MYT1: variants seen among roughly 807,000 people sequenced by gnomAD.
MYT1 encodes the protein myelin transcription factor 1.
Under a neutral mutation model 123.0 loss-of-function variants are expected in MYT1, and 23 were observed. That is an observed-to-expected ratio of 0.19 (90% confidence interval 0.13 to 0.26). MYT1 has a LOEUF of 0.26. Among genes scored for constraint, MYT1 ranks in the 10% least tolerant of loss-of-function variants. The probability of loss-of-function intolerance (pLI) is 1.00; values close to 1 mark genes in which losing one functional copy is unlikely to be tolerated. For synonymous variants in MYT1, 518 were observed against 575.3 expected (o/e 0.90, Z 1.43); for missense variants, 1,125 against 1,472.5 (o/e 0.76, Z 3.86).
chr20:64,180,516 AC>A (rs2145696157), intron 1 of MYT1, among the ~76,000 whole-genome samples: 1 of 152,196 alleles, frequency 6.6e-6, no homozygotes, highest in South Asian at 2.1e-4. Flanking sequence ...CTGCAGGCCA[AC>A]CTCTGGGTCG....
chr20:64,222,055 C>T lies in MYT1; in HGVS notation c.2396+8C>T. ...AAAGAAGGAGCTGCTCACGTAAGTC[C>T]CTGTTTGGCTGGCACAGCTCCTAGG... On this transcript the variant is annotated splice_region_variant and intron_variant, in intron 14 of 22. Coordinates refer to ENST00000328439, the MANE Select transcript of MYT1 (RefSeq NM_004535.3). 6.2e-7 allele frequency: 1 copy of T among 1,612,152 alleles called. No homozygotes were observed. Among genetic ancestry groups the T allele is most frequent in the Non-Finnish European group, 8.5e-7 (1 of 1,179,858 alleles).
At chr20:64,221,362 C>T (rs551678989) in intron 13 of MYT1, among the ~76,000 whole-genome samples, 25 of 152,326 alleles carry the variant, frequency 1.6e-4, no homozygotes, top group African/African-American at 5.5e-4. Flanking sequence ...GCATTCAGTT[C>T]GAAGCCTTTA....
At chr20:64,237,048 C>T (rs1443928384) in intron 20 of MYT1, among the ~76,000 whole-genome samples, 1 of 152,204 alleles carries the variant, frequency 6.6e-6, no homozygotes, top group East Asian at 1.9e-4. Flanking sequence ...TTAAGCCTTT[C>T]CACCTGCCAG....
rs185315942 is a variant in MYT1 at position 64,218,813 on chromosome 20, T to G, written c.1847-98T>G. 4.5e-3 allele frequency: 6,900 copies of G among 1,522,156 alleles called. 48 individuals are homozygous for G. Among genetic ancestry groups the G allele is most frequent in the Non-Finnish European group, 3.7e-3 (4,128 of 1,108,360 alleles). 94.3% of individuals were successfully genotyped at this position (1,522,156 alleles called of 1,614,324 possible). A position where few individuals can be genotyped will look rare whatever the true frequency, so the allele number is the denominator to read the frequency against. On this transcript the variant is annotated intron_variant, in intron 11 of 22. Transcript: ENST00000328439. This position sits in a 1 kb window ranked among gnomAD's most constrained non-coding sequence, Gnocchi z 4.0. ...TTTCAAGTTGTATATCAGCCTGGTG[T>G]TGTTCCCTTTTTGCAGCCAAACCTT... is the stretch of plus-strand genomic sequence containing the variant.
rs1983136888 is a variant in MYT1 at position 64,196,819 on chromosome 20, A to T, written c.1-2043A>T. The stretch of plus-strand genomic sequence containing the variant: ...TCTTTGAATAATTTATCTGCAGGAA[A>T]TCCAAATTGCCAAGGCACGCTTTAA... On this transcript the variant is annotated intron_variant, in intron 2 of 22. Coordinates refer to ENST00000328439, the MANE Select transcript of MYT1 (RefSeq NM_004535.3). The surrounding 1 kb of genome is among the most constrained non-coding windows in gnomAD (Gnocchi z 4.3). Among the ~76,000 whole-genome samples the T allele has an allele frequency of 6.6e-6, 1 of 152,228 alleles. No homozygotes were observed.
Position 64,202,900 on chromosome 20 carries a change from G to A in MYT1, c.87-2135G>A, listed in dbSNP as rs959154733. 3.9e-5 allele frequency among the ~76,000 whole-genome samples: 6 copies of A among 152,152 alleles called. No individual in the cohort carries two copies. Among genetic ancestry groups the A allele is most frequent in the Non-Finnish European group, 5.9e-5 (4 of 68,016 alleles). ...GCTCGGGAGTCCTGGAGCCCTGGCC[G>A]TCTTCCTCTCCCTACAACTCTGGCC... On this transcript the variant is annotated intron_variant, in intron 4 of 22. Coordinates refer to ENST00000328439, the MANE Select transcript of MYT1 (RefSeq NM_004535.3). This position sits in a 1 kb window ranked among gnomAD's most constrained non-coding sequence, Gnocchi z 5.0.
In MYT1 at chr20:64,212,234, G is replaced by GGTAGGGGCCAGGGTGGGGGCCGTA. The variant is rs1983697227; in HGVS notation, c.1517+98_1517+99insAGGGGCCAGGGTGGGGGCCGTAGT. ...TGGTGGGGGCCAGGGTGGGGGCCGT[G>GGTAGGGGCCAGGGTGGGGGCCGTA]GTGGGGGCCAGGGTGGGGGCCGTGG... On this transcript the variant is annotated intron_variant, in intron 9 of 22. Transcript: ENST00000328439. The surrounding 1 kb of genome is among the most constrained non-coding windows in gnomAD (Gnocchi z 6.8). 3 of 381,364 alleles carry GGTAGGGGCCAGGGTGGGGGCCGTA rather than the reference G, an allele frequency of 7.9e-6. No individual in the cohort carries two copies. The highest frequency in any genetic ancestry group is 1.4e-5 in the Non-Finnish European group (3 of 219,356). The allele number at this position is 381,364 out of a possible 1,614,324, so 23.6% of individuals were successfully genotyped here.
rs1460846273 is a variant in MYT1 at position 64,202,848 on chromosome 20, G to A, written c.87-2187G>A. ...GTCAGAGCTGGGGAGTCAAGGCTGGGGAATTCCCTCCTCCCGGAGAAAAGA... is the reference window on the plus strand; with the variant it reads ...GTCAGAGCTGGGGAGTCAAGGCTGGAGAATTCCCTCCTCCCGGAGAAAAGA... On this transcript the variant is annotated intron_variant, in intron 4 of 22. Transcript: ENST00000328439. The surrounding 1 kb of genome is among the most constrained non-coding windows in gnomAD (Gnocchi z 5.0). 6.6e-6 allele frequency among the ~76,000 whole-genome samples: 1 copy of A among 152,170 alleles called. No individual in the cohort carries two copies. Among genetic ancestry groups the A allele is most frequent in the Non-Finnish European group, 1.5e-5 (1 of 68,032 alleles).
intron 4 of MYT1, among the ~76,000 whole-genome samples, chr20:64,201,424 C>G (rs1983295007): frequency 6.6e-6 from 1 of 152,072 alleles, no homozygotes; most frequent in Admixed American, 6.5e-5. Context: ...GTGTTGACAT[C>G]TAGTGTTCCA....
chr20:64,178,982 G>A (rs1982560564), intron 1 of MYT1, among the ~76,000 whole-genome samples: 1 of 144,160 alleles, frequency 6.9e-6, no homozygotes, highest in South Asian at 2.3e-4. Context: ...TATTCGGTGA[G>A]ATACCCTTCA....
rs377710768 is a variant in MYT1, at chr20:64,205,706, C to T, written c.303C>T (p.Asp101=). 58 of 1,614,046 alleles carry T rather than the reference C, an allele frequency of 3.6e-5. No individual in the cohort carries two copies. The African/African-American group carries it at 4.8e-4, about 13-fold the overall frequency. The part of the protein sequence containing the change: ...SDGSEDTEVK[D]ASVSDESEGT... ...GCAGTGAGGACACTGAGGTGAAGGA[C>T]GCCTCTGTTTCGGATGAATCGGAAG... Residue 101 remains aspartate (D), a synonymous_variant, in exon 6 of 23, where the codon GAC becomes GAT. Transcript: ENST00000328439.
chr20:64,220,124 G>C (rs1318056756), intron 13 of MYT1, 142 bp downstream of exon 13: 1 of 1,385,014 alleles, frequency 7.2e-7, no homozygotes, highest in African/African-American at 1.5e-5. Context: ...TTTTCGTGAA[G>C]GGTCCTTCAT....
chr20:64,178,403 T>G (rs1469164428), intron 1 of MYT1, among the ~76,000 whole-genome samples: 1 of 152,242 alleles, frequency 6.6e-6, no homozygotes, highest in Non-Finnish European at 1.5e-5. Flanking sequence ...GTGGTCCTGG[T>G]GTCTCGTTCG....
intron 11 of MYT1, 99 bp downstream of exon 11, chr20:64,217,380 T>G (rs972188162): frequency 7.6e-7 from 1 of 1,307,552 alleles, no homozygotes; most frequent in South Asian, 1.3e-5. Flanking sequence ...GAGGAGCTAC[T>G]AGGGAGGGAA....
Position 64,218,736 on chromosome 20 carries a change from CAT to C in MYT1, c.1847-174_1847-173del. 5.0e-6 allele frequency: 4 copies of C among 807,480 alleles called. No individual in the cohort carries two copies. Among genetic ancestry groups the C allele is most frequent in the East Asian group, 2.5e-5 (1 of 40,246 alleles). 50.0% of individuals were successfully genotyped at this position (807,480 alleles called of 1,614,324 possible). On this transcript the variant is annotated intron_variant, in intron 11 of 22. Transcript: ENST00000328439. The surrounding 1 kb of genome is among the most constrained non-coding windows in gnomAD (Gnocchi z 4.0). ...GATATAGCTGTGCCCTGGGCCCTCC[CAT>C]CCCTCCCAAAGTGCCCCCTCCCCAC...
Position 64,239,027 on chromosome 20 carries a change from A to G in MYT1, c.3094-733A>G, listed in dbSNP as rs555307957. On this transcript the variant is annotated intron_variant, in intron 21 of 22. Transcript: ENST00000328439. ...ACAGCCTCCCAGGAATGAGCTCCCC[A>G]CTCCTGCCTCGTGTGTCACCCACAC... Among the ~76,000 whole-genome samples the G allele has an allele frequency of 8.6e-5, 13 of 151,948 alleles. No individual in the cohort carries two copies. The East Asian group carries it at 2.1e-3, about 25-fold the overall frequency.
Position 64,164,758 on chromosome 20 carries a change from C to A in MYT1, c.-99+19C>A, listed in dbSNP as rs1458233996. 1 of 152,166 alleles carries A rather than the reference C, an allele frequency of 6.6e-6. No homozygotes were observed. The highest frequency in any genetic ancestry group is 1.5e-5 in the Non-Finnish European group (1 of 68,054). 9.4% of individuals were successfully genotyped at this position (152,166 alleles called of 1,614,324 possible). ...GGGAAAGGTAAGTCAACGTTACGTT[C>A]TTTCTGACAAAGGCAGATACCCAAC... On this transcript the variant is annotated intron_variant, in intron 1 of 22. Transcript: ENST00000328439.
At chr20:64,201,195 G>A (rs1310313135) in intron 4 of MYT1, among the ~76,000 whole-genome samples, 2 of 152,204 alleles carry the variant, frequency 1.3e-5, no homozygotes. Flanking sequence ...AATACAAATG[G>A]CAGGGTGCTC....
rs1455255293 is a variant in MYT1, at chr20:64,202,250, T to C, written c.86+2328T>C. Among the ~76,000 whole-genome samples the C allele has an allele frequency of 6.6e-6, 1 of 152,224 alleles. No homozygotes were observed. Among genetic ancestry groups the C allele is most frequent in the Non-Finnish European group, 1.5e-5 (1 of 68,038 alleles). ...GTTGGACTTGGATCGAGCAGGACCC[T>C]GAGCTGCTATTTCCGACCTCGGAGC... is the stretch of plus-strand genomic sequence containing the variant. On this transcript the variant is annotated intron_variant, in intron 4 of 22. Coordinates refer to ENST00000328439, the MANE Select transcript of MYT1 (RefSeq NM_004535.3). The surrounding 1 kb of genome is among the most constrained non-coding windows in gnomAD (Gnocchi z 5.0).
Sources: allele counts gnomAD v4.1 joint callset (sites outside exome capture counted in the v4.1 genomes callset), GRCh38; gene constraint gnomAD v4.1.1; non-coding constraint Gnocchi (gnomAD v3.1); transcripts MANE v1.5; gene names NCBI Gene and HGNC (gene_info 2026-07-23, HGNC 2026-07-21).